The following SIPA1L2 variants were observed in gnomAD, a reference collection of about 807,000 sequenced individuals.
The protein encoded by SIPA1L2 is signal induced proliferation associated 1 like 2, also known as signal-induced proliferation-associated 1-like protein 2.
SIPA1L2 carries 56 observed loss-of-function variants against 163.9 expected under a neutral mutation model. The observed-to-expected ratio is 0.34, with a 90% CI of 0.28 to 0.43. SIPA1L2 has a LOEUF of 0.43. Among genes scored for constraint, SIPA1L2 ranks in the 20% least tolerant of loss-of-function variants. The pLI, the probability that SIPA1L2 is intolerant of heterozygous loss-of-function variation, is 1.00. For synonymous variants in SIPA1L2, 877 were observed against 865.7 expected, an observed-to-expected ratio of 1.01 and a Z score of -0.23; for missense variants, 1,974 against 2,193.5, an observed-to-expected ratio of 0.90 and a Z score of 2.00.
intron 6 of SIPA1L2, among the ~76,000 whole-genome samples, chr1:232,481,876 A>G (rs182955889): frequency 6.6e-6 from 1 of 152,192 alleles, no homozygotes; most frequent in African/African-American, 2.4e-5. Context: ...CTTGTGAGGA[A>G]TCTGAGGCCC....
intron 2 of SIPA1L2, among the ~76,000 whole-genome samples, chr1:232,525,552 G>A (rs1004133209): frequency 6.6e-6 from 1 of 151,868 alleles, no homozygotes; most frequent in Non-Finnish European, 1.5e-5. Flanking sequence ...CAACACACCC[G>A]GCCAATAATA....
At chr1:232,455,533 T>G (rs1663844992) in intron 10 of SIPA1L2, among the ~76,000 whole-genome samples, 1 of 151,862 alleles carries the variant, frequency 6.6e-6, no homozygotes, top group African/African-American at 2.4e-5. Flanking sequence ...TACAAAACAT[T>G]AGCCGGGCGT....
chr1:232,518,043 T>C (rs1450048517), intron 2 of SIPA1L2, among the ~76,000 whole-genome samples: 1 of 152,124 alleles, frequency 6.6e-6, no homozygotes, highest in African/African-American at 2.4e-5. Flanking sequence ...TGAGATCCCA[T>C]CTCAAATAAA....
chr1:232,441,220 C>A (rs1312985028), intron 14 of SIPA1L2, 71 bp downstream of exon 14: 10 of 1,175,056 alleles, frequency 8.5e-6, no homozygotes, highest in Non-Finnish European at 1.1e-5. Context: ...AGGAATCAGG[C>A]TGTACCACTG....
intron 1 of SIPA1L2, among the ~76,000 whole-genome samples, chr1:232,578,569 T>C (rs1660203458): frequency 6.6e-6 from 1 of 152,218 alleles, no homozygotes; most frequent in Admixed American, 6.5e-5. Context: ...TATGAAGTCC[T>C]CAACTTGAGT....
chr1:232,447,186 T>G (rs1663268218), intron 10 of SIPA1L2, among the ~76,000 whole-genome samples: 1 of 152,238 alleles, frequency 6.6e-6, no homozygotes, highest in African/African-American at 2.4e-5. Flanking sequence ...ATGATAGTAT[T>G]TTGGAGATAT....
intron 3 of SIPA1L2, among the ~76,000 whole-genome samples, chr1:232,500,903 T>A (rs2103016214): frequency 6.6e-6 from 1 of 152,250 alleles, no homozygotes; most frequent in South Asian, 2.1e-4. Flanking sequence ...CACTGTTGTT[T>A]TAATAAATTG....
chr1:232,525,401 A>ATTTTTT (rs59155660), intron 2 of SIPA1L2, among the ~76,000 whole-genome samples: 2 of 127,668 alleles, frequency 1.6e-5, no homozygotes, highest in African/African-American at 3.2e-5. Context: ...AAGCCTGGCT[A>ATTTTTT]TTTTTTTTTT....
intron 3 of SIPA1L2, among the ~76,000 whole-genome samples, chr1:232,495,192 G>C (rs1177597742): frequency 1.3e-5 from 2 of 152,170 alleles, no homozygotes; most frequent in African/African-American, 4.8e-5. Flanking sequence ...TTTGCTGTTT[G>C]CAACCAAATG....
At chr1:232,545,890 G>A (rs1185114526) in intron 2 of SIPA1L2, among the ~76,000 whole-genome samples, 1 of 152,146 alleles carries the variant, frequency 6.6e-6, no homozygotes, top group East Asian at 1.9e-4. Context: ...CTTCCTTTAA[G>A]AGTTAAACAT....
At chr1:232,558,023 C>T (rs958730754) in intron 2 of SIPA1L2, among the ~76,000 whole-genome samples, 1 of 152,146 alleles carries the variant, frequency 6.6e-6, no homozygotes, top group Non-Finnish European at 1.5e-5. Flanking sequence ...AAAAGCCTTG[C>T]TGGAAAAAGT....
chr1:232,487,341 A>C (rs1665691891), intron 5 of SIPA1L2, among the ~76,000 whole-genome samples: 1 of 152,148 alleles, frequency 6.6e-6, no homozygotes, highest in Admixed American at 6.5e-5. Context: ...CTTCCCCTCC[A>C]TTCTCCTGAC....
intron 19 of SIPA1L2, among the ~76,000 whole-genome samples, chr1:232,411,596 T>C (rs1052228724): frequency 6.6e-6 from 1 of 151,942 alleles, no homozygotes; most frequent in Admixed American, 6.6e-5. Flanking sequence ...AGTTGCTTTT[T>C]TTTTTACAAC....
chr1:232,484,066 G>T, intron 5 of SIPA1L2, 100 bp from the exon 6 acceptor site: 1 of 1,146,202 alleles, frequency 8.7e-7, no homozygotes, highest in Non-Finnish European at 1.2e-6. Flanking sequence ...TTCTAGGAAA[G>T]CATGCCAGAA....
At chr1:232,463,326 A>G (rs1664336158) in intron 9 of SIPA1L2, among the ~76,000 whole-genome samples, 1 of 152,148 alleles carries the variant, frequency 6.6e-6, no homozygotes, top group African/African-American at 2.4e-5. Flanking sequence ...AGGCATTCCC[A>G]ACATCTCCAC....
At chr1:232,512,468 C>G (rs955151844) in intron 3 of SIPA1L2, among the ~76,000 whole-genome samples, 2 of 152,110 alleles carry the variant, frequency 1.3e-5, no homozygotes, top group Admixed American at 1.3e-4. Flanking sequence ...TTGGAACCAA[C>G]CCCAATGCCC....
At position 232,589,612 on chromosome 1, in the gene SIPA1L2, G is replaced by C. The variant is rs1236934342; in HGVS notation, c.-318-15390C>G. 3.3e-5 allele frequency among the ~76,000 whole-genome samples: 5 copies of C among 152,262 alleles called. No individual in the cohort carries two copies. The South Asian group carries it at 1.0e-3, about 32-fold the overall frequency. ...GATACTGAGTTCTAAAAATATCCTT[G>C]GCATAACTTACAAATAACTCAGTTG... is the stretch of plus-strand genomic sequence containing the variant. On this transcript the variant is annotated intron_variant, in intron 1 of 22. Coordinates refer to ENST00000674635, the MANE Select transcript of SIPA1L2 (RefSeq NM_020808.5).
intron 19 of SIPA1L2, among the ~76,000 whole-genome samples, chr1:232,414,061 C>T (rs1443041609): frequency 6.6e-6 from 1 of 152,180 alleles, no homozygotes; most frequent in Non-Finnish European, 1.5e-5. Context: ...CTAAAATATG[C>T]AACTAACTTC....
intron 18 of SIPA1L2, 23 bp downstream of exon 18, chr1:232,425,566 G>A: frequency 6.5e-7 from 1 of 1,533,416 alleles, no homozygotes; most frequent in Non-Finnish European, 8.8e-7. Context: ...CGCTGGCCAG[G>A]GAGCAGCCAG....
Sources: gnomAD v4.1 joint callset for allele counts (sites outside exome capture counted in the v4.1 genomes callset) on GRCh38, gnomAD v4.1.1 for gene constraint, MANE v1.5 for transcripts, NCBI Gene and HGNC (gene_info 2026-07-23, HGNC 2026-07-21) for gene names.